ZNF638: variants seen among roughly 807,000 people sequenced by gnomAD.
ZNF638 encodes the protein zinc finger protein 638.
In ZNF638, 46 loss-of-function variants were observed where a neutral mutation model predicts 195.6. The ratio of observed to expected loss-of-function variants is 0.24; its 90% CI spans 0.19 to 0.30. ZNF638 has a LOEUF of 0.30. Ranked by LOEUF, ZNF638 falls within the 10% of genes least tolerant of loss-of-function variation. The pLI is 1.00. For missense variants in ZNF638, 2,440 were observed against 2,325.3 expected, an observed-to-expected ratio of 1.05 and a Z score of -1.01; for synonymous variants, 845 against 772.0, an observed-to-expected ratio of 1.09 and a Z score of -1.57.
At chr2:71,418,454 G>T (rs1251546710) in intron 20 of ZNF638, 148 bp from the exon 21 acceptor site, 2 of 459,674 alleles carry the variant, frequency 4.4e-6, no homozygotes, top group Non-Finnish European at 3.8e-6. Context: ...GAACCTGATA[G>T]TAATGTAGAC....
chr2:71,365,710 A>G lies in ZNF638; in HGVS notation c.1995+4A>G. On this transcript the variant is annotated splice_donor_region_variant and intron_variant, in intron 6 of 27. Transcript: ENST00000264447. The stretch of plus-strand genomic sequence containing the variant: ...AGCTGTTTCTCTCCAGCGAAAGGTA[A>G]TTCTTTAATTAATAATTATTTTTAG... 1 of 1,595,754 alleles carries G rather than the reference A, an allele frequency of 6.3e-7. No individual in the cohort carries two copies. The highest frequency in any genetic ancestry group is 8.5e-7 in the Non-Finnish European group (1 of 1,172,422).
At chr2:71,410,774 G>A (rs1266389004) in intron 20 of ZNF638, among the ~76,000 whole-genome samples, 2 of 152,094 alleles carry the variant, frequency 1.3e-5, no homozygotes, top group Admixed American at 6.5e-5. Context: ...GAGACCTGAT[G>A]GAAGAGAGCA....
At chr2:71,381,776 C>T (rs2079539013) in intron 10 of ZNF638, among the ~76,000 whole-genome samples, 1 of 151,964 alleles carries the variant, frequency 6.6e-6, no homozygotes, top group South Asian at 2.1e-4. Flanking sequence ...ACCTATTTAG[C>T]TTTGTTTAGT....
At chr2:71,336,717 G>A (rs1368817699) in intron 1 of ZNF638, among the ~76,000 whole-genome samples, 1 of 152,190 alleles carries the variant, frequency 6.6e-6, no homozygotes, top group East Asian at 1.9e-4. Context: ...TTAGCAAGCA[G>A]TGGGACCAGA....
chr2:71,385,911 A>G (rs1374029693), intron 10 of ZNF638, among the ~76,000 whole-genome samples: 1 of 151,930 alleles, frequency 6.6e-6, no homozygotes, highest in Non-Finnish European at 1.5e-5. Context: ...ATTTTAACAT[A>G]TAGTGTCTGC....
At chr2:71,419,189 C>T (rs190828545) in intron 21 of ZNF638, among the ~76,000 whole-genome samples, 1 of 152,276 alleles carries the variant, frequency 6.6e-6, no homozygotes, top group African/African-American at 2.4e-5. Context: ...GTTTTGACCA[C>T]GTAAAGTACA....
intron 10 of ZNF638, among the ~76,000 whole-genome samples, chr2:71,384,499 CTTTA>C (rs1158929695): frequency 6.6e-6 from 1 of 152,114 alleles, no homozygotes; most frequent in Non-Finnish European, 1.5e-5. Flanking sequence ...TTCCTTGGTT[CTTTA>C]TTTATGCTGT....
rs542440809 is a variant in ZNF638 at position 71,406,379 on chromosome 2, C to A, written c.3135+117C>A. 4 of 879,230 alleles carry A rather than the reference C, an allele frequency of 4.5e-6. No individual in the cohort carries two copies. The East Asian group carries it at 7.8e-5, about 17-fold the overall frequency. 54.5% of individuals were successfully genotyped at this position (879,230 alleles called of 1,614,324 possible). A position where few individuals can be genotyped will look rare whatever the true frequency, so the allele number is the denominator to read the frequency against. Reference sequence around the variant, plus strand: ...ACCTGTAAATATTACTCAACCACTTCGCAGAATTATTATAAACCAGAATAT... The same window carrying A: ...ACCTGTAAATATTACTCAACCACTTAGCAGAATTATTATAAACCAGAATAT... On this transcript the variant is annotated intron_variant, in intron 19 of 27. Coordinates refer to ENST00000264447, the MANE Select transcript of ZNF638 (RefSeq NM_014497.5).
chr2:71,402,432 A>G (rs527441870), intron 16 of ZNF638, among the ~76,000 whole-genome samples: 4 of 152,242 alleles, frequency 2.6e-5, no homozygotes, highest in African/African-American at 9.6e-5. Context: ...TATCTTTAAT[A>G]TGTTTAATAC....
At chr2:71,332,799 A>C (rs1019461708) in intron 1 of ZNF638, 1 of 152,176 alleles carries the variant, frequency 6.6e-6, no homozygotes, top group Non-Finnish European at 1.5e-5. Context: ...ACCTGAAGCT[A>C]ATTTTTCTTA....
At chr2:71,372,460 C>A (rs2079331457) in intron 8 of ZNF638, among the ~76,000 whole-genome samples, 1 of 152,164 alleles carries the variant, frequency 6.6e-6, no homozygotes, top group African/African-American at 2.4e-5. Flanking sequence ...CCCCTAGTTA[C>A]TGCGCTGTCC....
At chr2:71,362,247 G>A (rs538281312) in intron 3 of ZNF638, among the ~76,000 whole-genome samples, 1 of 151,874 alleles carries the variant, frequency 6.6e-6, no homozygotes, top group Admixed American at 6.6e-5. Context: ...CTAAGATTCT[G>A]TCCTCGGCTC....
intron 1 of ZNF638, among the ~76,000 whole-genome samples, chr2:71,341,173 G>A (rs941737002): frequency 6.6e-6 from 1 of 152,098 alleles, no homozygotes; most frequent in East Asian, 1.9e-4. Context: ...TCATCAAGCC[G>A]TTTCATCATG....
intron 9 of ZNF638, 26 bp from the exon 10 acceptor site, chr2:71,380,487 G>T: frequency 6.4e-7 from 1 of 1,572,838 alleles, no homozygotes. Flanking sequence ...CTAAGTTGCT[G>T]CTAAATTTTT....
chr2:71,417,680 A>C (rs1404568022), intron 20 of ZNF638, among the ~76,000 whole-genome samples: 23 of 149,802 alleles, frequency 1.5e-4, no homozygotes, highest in Admixed American at 1.5e-3. Flanking sequence ...TTTTCTCTCT[A>C]ATAAACTTTT....
At position 71,340,252 on chromosome 2, in the gene ZNF638, A is replaced by G. The variant is rs1439679686; in HGVS notation, c.-203+8377A>G. On this transcript the variant is annotated intron_variant, in intron 1 of 27. Coordinates refer to ENST00000264447, the MANE Select transcript of ZNF638 (RefSeq NM_014497.5). ...CATTGACTGTTTCTTTGAAGGCACC[A>G]CATTTTGGCATTTTAACGTGAAACA... Among the ~76,000 whole-genome samples, 7 of 152,208 alleles carry G rather than the reference A, an allele frequency of 4.6e-5. No individual in the cohort carries two copies. In the South Asian group the frequency reaches 1.2e-3, roughly 27 times the overall value.
At position 71,423,138 on chromosome 2, in the gene ZNF638, C is replaced by G. The variant is rs2080467071; in HGVS notation, c.3624C>G (p.Asp1208Glu). ...TAAATCAGCAGATGTTTAACAGTGA[C>G]TTGGAGAAGAAAGGGGCAGAAATTA... ...CALNQQMFNS[D>E]LEKKGAEIIN... is the part of the protein sequence containing the mutation. Residue 1208 changes from aspartate (D) to glutamate (E), a missense_variant, in exon 22 of 28, where the codon GAC becomes GAG. By Grantham distance (45) the Asp-to-Glu change is conservative. Around this residue, in one of 5 missense-constraint regions of ZNF638, gnomAD observed 1,883 missense variants for 1,739.1 expected, o/e 1.08. Transcript: ENST00000264447. The G allele has an allele frequency of 1.9e-6, 3 of 1,614,060 alleles. No homozygotes were observed. Among genetic ancestry groups the G allele is most frequent in the Non-Finnish European group, 2.5e-6 (3 of 1,179,990 alleles).
chr2:71,369,640 C>A (rs770292031), intron 7 of ZNF638, among the ~76,000 whole-genome samples: 1 of 152,176 alleles, frequency 6.6e-6, no homozygotes, highest in African/African-American at 2.4e-5. Context: ...CTTCCATGAG[C>A]CTGCCTGGAT....
At chr2:71,368,089 A>G (rs1041368923) in intron 6 of ZNF638, among the ~76,000 whole-genome samples, 2 of 152,120 alleles carry the variant, frequency 1.3e-5, no homozygotes, top group Non-Finnish European at 2.9e-5. Context: ...CATAGATCTT[A>G]TTTGCTATAA....
Sources: allele counts gnomAD v4.1 joint callset (sites outside exome capture counted in the v4.1 genomes callset), GRCh38; gene constraint gnomAD v4.1.1; regional missense constraint gnomAD v4.1.1; transcripts MANE v1.5; gene names NCBI Gene and HGNC (gene_info 2026-07-23, HGNC 2026-07-21).